FGF12: variants seen among roughly 807,000 people sequenced by gnomAD.
The protein encoded by FGF12 is fibroblast growth factor 12B.
In FGF12, 14 loss-of-function variants were observed where a neutral mutation model predicts 23.6. The ratio of observed to expected loss-of-function variants is 0.59; its 90% CI spans 0.39 to 0.93. The LOEUF (loss-of-function observed/expected upper bound fraction) is 0.93. Among genes scored for constraint, FGF12 ranks in the 40% least tolerant of loss-of-function variants. The pLI is 0.00. For missense variants in FGF12, 175 were observed against 217.8 expected (o/e 0.80, Z 1.24); for synonymous variants, 62 against 77.3 (o/e 0.80, Z 1.04).
chr3:192,477,289 GC>G (rs1190473848), intron 2 of FGF12, among the ~76,000 whole-genome samples: 1 of 152,110 alleles, frequency 6.6e-6, no homozygotes, highest in Non-Finnish European at 1.5e-5. Context: ...AACCCAACAA[GC>G]AGCAGAGTAC....
At chr3:192,315,304 A>T (rs75691849) in intron 4 of FGF12, among the ~76,000 whole-genome samples, 3 of 152,092 alleles carry the variant, frequency 2.0e-5, no homozygotes, top group Non-Finnish European at 4.4e-5. Context: ...TCAGTGCTAT[A>T]TGTTCAAAGA....
chr3:192,200,384 C>CA (rs1450985695), intron 4 of FGF12, among the ~76,000 whole-genome samples: 7 of 151,746 alleles, frequency 4.6e-5, no homozygotes, highest in Admixed American at 4.6e-4. Flanking sequence ...ATATTAAAAT[C>CA]ATAATAAAAT....
At chr3:192,707,494 T>C (rs1004663998) in intron 2 of FGF12, among the ~76,000 whole-genome samples, 2 of 152,132 alleles carry the variant, frequency 1.3e-5, no homozygotes, top group African/African-American at 4.8e-5. Flanking sequence ...ACGCCTGTAA[T>C]CCCAGCACTT....
chr3:192,637,564 T>A (rs1307735262), intron 2 of FGF12, among the ~76,000 whole-genome samples: 1 of 152,180 alleles, frequency 6.6e-6, no homozygotes, highest in African/African-American at 2.4e-5. Flanking sequence ...AAATGGACCA[T>A]AGGCTCTGTG....
At chr3:192,486,626 A>G (rs1438871999) in intron 2 of FGF12, among the ~76,000 whole-genome samples, 1 of 152,158 alleles carries the variant, frequency 6.6e-6, no homozygotes, top group Non-Finnish European at 1.5e-5. Context: ...AGACAAGGTC[A>G]CAGAGGTAAG....
chr3:192,656,326 G>A (rs971093763), intron 2 of FGF12, among the ~76,000 whole-genome samples: 1 of 144,772 alleles, frequency 6.9e-6, no homozygotes, highest in East Asian at 2.1e-4. Context: ...CACACAGAGA[G>A]AGAATTATAG....
At chr3:192,505,114 G>A (rs940510038) in intron 2 of FGF12, among the ~76,000 whole-genome samples, 2 of 152,176 alleles carry the variant, frequency 1.3e-5, no homozygotes, top group African/African-American at 4.8e-5. Flanking sequence ...TTAAAATCAT[G>A]TTTGGGAGAA....
At chr3:192,334,839 A>C (rs1265996326) in intron 4 of FGF12, among the ~76,000 whole-genome samples, 1 of 152,174 alleles carries the variant, frequency 6.6e-6, no homozygotes, top group Non-Finnish European at 1.5e-5. Context: ...TCCAGAGCTC[A>C]TTCCATAAAT....
intron 3 of FGF12, among the ~76,000 whole-genome samples, chr3:192,338,546 C>T (rs570689527): frequency 2.6e-5 from 4 of 152,214 alleles, no homozygotes; most frequent in South Asian, 4.1e-4. Context: ...CTTTGTGCCC[C>T]TTCTCAACCT....
At chr3:192,346,466 G>C (rs911075815) in intron 3 of FGF12, among the ~76,000 whole-genome samples, 3 of 152,074 alleles carry the variant, frequency 2.0e-5, no homozygotes, top group Non-Finnish European at 4.4e-5. Context: ...TGGCTTTTGA[G>C]GATCTGTTAG....
At chr3:192,182,121 T>C (rs1474335211) in intron 4 of FGF12, among the ~76,000 whole-genome samples, 1 of 152,156 alleles carries the variant, frequency 6.6e-6, no homozygotes, top group Non-Finnish European at 1.5e-5. Flanking sequence ...CTGGCACATA[T>C]AAACAACTCG....
intron 2 of FGF12, among the ~76,000 whole-genome samples, chr3:192,550,516 T>C (rs9825509): frequency 1.4e-4 from 22 of 151,842 alleles, no homozygotes; most frequent in African/African-American, 5.3e-4. Flanking sequence ...CATGGTTCTC[T>C]GAAGAACCAT....
chr3:192,510,808 T>C (rs565969128), intron 2 of FGF12, among the ~76,000 whole-genome samples: 29 of 152,318 alleles, frequency 1.9e-4, no homozygotes, highest in Non-Finnish European at 3.8e-4. Context: ...AATGAGCTAT[T>C]ACACCATGAA....
At chr3:192,705,434 T>G (rs548946562) in intron 2 of FGF12, among the ~76,000 whole-genome samples, 1 of 152,336 alleles carries the variant, frequency 6.6e-6, no homozygotes, top group African/African-American at 2.4e-5. Flanking sequence ...AAATTCTGTT[T>G]GAGAAGTCAA....
chr3:192,159,095 TTCTC>T (rs941973727), intron 5 of FGF12, among the ~76,000 whole-genome samples: 1 of 152,162 alleles, frequency 6.6e-6, no homozygotes, highest in Non-Finnish European at 1.5e-5. Flanking sequence ...CCCTCCTCAT[TTCTC>T]TACTTCCTTT....
chr3:192,250,122 T>C (rs1711908930), intron 4 of FGF12, among the ~76,000 whole-genome samples: 1 of 152,188 alleles, frequency 6.6e-6, no homozygotes, highest in Non-Finnish European at 1.5e-5. Context: ...TCTAAAACAT[T>C]GAGAATTCAA....
At chr3:192,340,754 C>T (rs913668602) in intron 3 of FGF12, among the ~76,000 whole-genome samples, 26 of 152,018 alleles carry the variant, frequency 1.7e-4, no homozygotes, top group Non-Finnish European at 3.5e-4. Context: ...ACTGGGTATT[C>T]ACACATGAAA....
chr3:192,640,791 T>C lies in FGF12; in HGVS notation c.13+86390A>G, dbSNP rs1003592897. 3.6e-4 allele frequency among the ~76,000 whole-genome samples: 37 copies of C among 101,474 alleles called. 1 individual carries two copies. Among genetic ancestry groups the C allele is most frequent in the African/African-American group, 1.2e-3 (34 of 28,518 alleles). 66.6% of individuals were successfully genotyped at this position (101,474 alleles called of 152,430 possible). A position where few individuals can be genotyped will look rare whatever the true frequency, so the allele number is the denominator to read the frequency against. On this transcript the variant is annotated intron_variant, in intron 2 of 5. Transcript: ENST00000445105. ...TGTATAGGCTGAGAGTTAAAACCCC[T>C]TTTTTTTGTTTGTTTGTTTGTTTGT...
At chr3:192,265,979 T>C (rs1266138328) in intron 4 of FGF12, among the ~76,000 whole-genome samples, 7 of 152,172 alleles carry the variant, frequency 4.6e-5, no homozygotes, top group African/African-American at 1.4e-4. Flanking sequence ...AACTGGCTCA[T>C]AGGAAAGAAT....
Sources: gnomAD v4.1 joint callset for allele counts (sites outside exome capture counted in the v4.1 genomes callset) on GRCh38, gnomAD v4.1.1 for gene constraint, MANE v1.5 for transcripts, NCBI Gene and HGNC (gene_info 2026-07-23, HGNC 2026-07-21) for gene names.